LUZP2: variants seen among roughly 807,000 people sequenced by gnomAD.
The protein encoded by LUZP2 is leucine zipper protein 2.
Under a neutral mutation model 51.6 loss-of-function variants are expected in LUZP2, and 52 were observed. The ratio of observed to expected loss-of-function variants is 1.01; its 90% confidence interval spans 0.81 to 1.27. The LOEUF (loss-of-function observed/expected upper bound fraction) is 1.27, where lower values mean the gene tolerates loss of function less well. LUZP2 is among the 50% of genes most tolerant of loss of function. LUZP2 has a pLI of 0.00. For missense variants in LUZP2, 436 were observed against 395.4 expected, an observed-to-expected ratio of 1.10 and a Z score of -0.87; for synonymous variants, 154 against 137.3, an observed-to-expected ratio of 1.12 and a Z score of -0.85.
intron 1 of LUZP2, among the ~76,000 whole-genome samples, chr11:24,700,056 C>CTTTTTTTTTTTTTTTTTTTTTTTTTTT (rs762849302): frequency 1.0e-5 from 1 of 95,978 alleles, no homozygotes; most frequent in African/African-American, 4.1e-5. Context: ...TTTTCCTCAA[C>CTTTTTTTTTTTTTTTTTTTTTTTTTTT]TTTTTTTTTT....
intron 7 of LUZP2, among the ~76,000 whole-genome samples, chr11:24,958,870 G>A (rs1369172183): frequency 6.6e-6 from 1 of 152,024 alleles, no homozygotes; most frequent in Non-Finnish European, 1.5e-5. Context: ...TTTCTTCTAG[G>A]GTTTTTATGG....
rs186587726 is a variant in LUZP2, at chr11:24,531,851, C to G, written c.62+34546C>G. 1.2e-4 allele frequency among the ~76,000 whole-genome samples: 18 copies of G among 150,946 alleles called. No homozygotes were observed. In the East Asian group the frequency reaches 3.5e-3, roughly 29 times the overall value. ...TTAAGACAAAAACTTAGAAGTCGTCCTTGGTAACTCTCTTTGCCTCATCAT... is the reference window on the plus strand; with the variant it reads ...TTAAGACAAAAACTTAGAAGTCGTCGTTGGTAACTCTCTTTGCCTCATCAT... On this transcript the variant is annotated intron_variant, in intron 1 of 11. Coordinates refer to ENST00000336930, the MANE Select transcript of LUZP2 (RefSeq NM_001009909.4).
At chr11:24,605,398 A>G (rs1853882071) in intron 1 of LUZP2, among the ~76,000 whole-genome samples, 1 of 151,804 alleles carries the variant, frequency 6.6e-6, no homozygotes, top group South Asian at 2.1e-4. Context: ...GGGTATTACA[A>G]TGCCTTGAAT....
intron 1 of LUZP2, among the ~76,000 whole-genome samples, chr11:24,543,261 C>T (rs567219642): frequency 2.0e-5 from 3 of 151,798 alleles, no homozygotes; most frequent in African/African-American, 4.9e-5. Flanking sequence ...CCTTCACTTA[C>T]TCCAGATAAC....
chr11:24,832,885 A>T (rs1850742055), intron 5 of LUZP2, among the ~76,000 whole-genome samples: 1 of 151,216 alleles, frequency 6.6e-6, no homozygotes, highest in Non-Finnish European at 1.5e-5. Context: ...ATACTTTTTT[A>T]CTTTAGTCCC....
chr11:24,598,195 A>T (rs571541296), intron 1 of LUZP2, among the ~76,000 whole-genome samples: 1 of 152,108 alleles, frequency 6.6e-6, no homozygotes, highest in Non-Finnish European at 1.5e-5. Flanking sequence ...AGATGACAGA[A>T]TTGTTGGACC....
chr11:24,689,735 A>G (rs4561211), intron 1 of LUZP2, among the ~76,000 whole-genome samples: 6,291 of 152,192 alleles, frequency 0.041, 153 homozygotes, highest in African/African-American at 0.061. Context: ...CTATAGATAT[A>G]CATTATTTTA....
chr11:24,951,097 C>T (rs1855064672), intron 7 of LUZP2, among the ~76,000 whole-genome samples: 1 of 151,406 alleles, frequency 6.6e-6, no homozygotes, highest in Admixed American at 6.6e-5. Flanking sequence ...AAGCCCTGAA[C>T]AACATAATAA....
chr11:24,960,215 T>G lies in LUZP2; in HGVS notation c.523-16376T>G, dbSNP rs553785794. Among the ~76,000 whole-genome samples the G allele has an allele frequency of 1.5e-3, 228 of 152,310 alleles. 1 individual carries two copies. Among genetic ancestry groups the G allele is most frequent in the African/African-American group, 5.3e-3 (222 of 41,566 alleles). On this transcript the variant is annotated intron_variant, in intron 7 of 11. Coordinates refer to ENST00000336930, the MANE Select transcript of LUZP2 (RefSeq NM_001009909.4). ...AGGATATTGTTCTAAAATTCTCTTT[T>G]TTTGTTGTGTCTTTGACCAGCTTTG... is the stretch of plus-strand genomic sequence containing the variant.
chr11:24,556,847 A>G (rs1370802275), intron 1 of LUZP2, among the ~76,000 whole-genome samples: 1 of 152,134 alleles, frequency 6.6e-6, no homozygotes, highest in Non-Finnish European at 1.5e-5. Context: ...ACACTCAAGC[A>G]TACATGACAC....
intron 4 of LUZP2, among the ~76,000 whole-genome samples, chr11:24,744,372 C>T (rs1016175580): frequency 8.6e-5 from 13 of 152,020 alleles, no homozygotes; most frequent in African/African-American, 3.1e-4. Flanking sequence ...TTTTAATTAC[C>T]ATTTCAATCT....
At chr11:24,653,710 A>G (rs1855711704) in intron 1 of LUZP2, among the ~76,000 whole-genome samples, 1 of 152,188 alleles carries the variant, frequency 6.6e-6, no homozygotes, top group Non-Finnish European at 1.5e-5. Context: ...AAGAAAATAC[A>G]ATAGAGATTC....
At chr11:24,753,938 T>C (rs1275706113) in intron 4 of LUZP2, among the ~76,000 whole-genome samples, 1 of 152,184 alleles carries the variant, frequency 6.6e-6, no homozygotes, top group Non-Finnish European at 1.5e-5. Context: ...AGCAAACTGG[T>C]TTGGGGCCCT....
intron 1 of LUZP2, among the ~76,000 whole-genome samples, chr11:24,685,440 A>C (rs953469923): frequency 3.3e-5 from 5 of 152,028 alleles, no homozygotes; most frequent in African/African-American, 9.7e-5. Context: ...CTCACACAGC[A>C]CACTGAAATG....
chr11:24,998,796 A>G (rs567994545), intron 9 of LUZP2, among the ~76,000 whole-genome samples: 1 of 152,164 alleles, frequency 6.6e-6, no homozygotes. Context: ...TCTTGATGAT[A>G]AAAGACTCAC....
chr11:24,751,712 A>AC (rs1859595699), intron 4 of LUZP2, among the ~76,000 whole-genome samples: 1 of 152,016 alleles, frequency 6.6e-6, no homozygotes, highest in African/African-American at 2.4e-5. Context: ...GAAAATTAAA[A>AC]AAAAAAAAAA....
At chr11:24,580,089 T>C (rs1436794927) in intron 1 of LUZP2, among the ~76,000 whole-genome samples, 1 of 152,120 alleles carries the variant, frequency 6.6e-6, no homozygotes, top group African/African-American at 2.4e-5. Context: ...GTACAGGATA[T>C]TCTAGTTGCT....
At chr11:25,036,797 T>G (rs1181792190) in intron 9 of LUZP2, among the ~76,000 whole-genome samples, 1 of 152,104 alleles carries the variant, frequency 6.6e-6, no homozygotes, top group Non-Finnish European at 1.5e-5. Context: ...GATTTCTATT[T>G]TATTGCACTG....
At chr11:25,011,097 C>T (rs1403212580) in intron 9 of LUZP2, among the ~76,000 whole-genome samples, 1 of 152,080 alleles carries the variant, frequency 6.6e-6, no homozygotes, top group Non-Finnish European at 1.5e-5. Flanking sequence ...TAATTCTGAA[C>T]AGCAACCCTC....
Sources: gnomAD v4.1 joint callset for allele counts (sites outside exome capture counted in the v4.1 genomes callset) on GRCh38, gnomAD v4.1.1 for gene constraint, MANE v1.5 for transcripts, NCBI Gene and HGNC (gene_info 2026-07-23, HGNC 2026-07-21) for gene names.